The following MCM8 variants were observed in gnomAD, a reference collection of about 807,000 sequenced individuals.
The protein encoded by MCM8 is DNA helicase MCM8.
In MCM8, 85 loss-of-function variants were observed where a neutral mutation model predicts 98.9. That is an observed-to-expected ratio of 0.86 (90% confidence interval 0.72 to 1.03). MCM8 has a LOEUF of 1.03. Ranked by LOEUF, MCM8 falls within the 50% of genes least tolerant of loss-of-function variation. The pLI is 0.00. For synonymous variants in MCM8, 352 were observed against 338.6 expected (o/e 1.04, Z -0.44); for missense variants, 951 against 997.8 (o/e 0.95, Z 0.63).
At chr20:5,985,448 A>G (rs887958855) in intron 15 of MCM8, among the ~76,000 whole-genome samples, 18 of 151,750 alleles carry the variant, frequency 1.2e-4, no homozygotes, top group Non-Finnish European at 2.6e-4. Flanking sequence ...TCTCAAAAAA[A>G]AAAAAAAAAA....
At chr20:5,970,384 C>T (rs1322543446) in intron 10 of MCM8, among the ~76,000 whole-genome samples, 2 of 152,148 alleles carry the variant, frequency 1.3e-5, no homozygotes, top group African/African-American at 4.8e-5. Flanking sequence ...TGATGGCAGC[C>T]AGTGTAGGTG....
intron 6 of MCM8, 46 bp from the exon 7 acceptor site, chr20:5,958,482 T>TA: frequency 6.6e-7 from 1 of 1,505,780 alleles, no homozygotes; most frequent in Non-Finnish European, 9.1e-7. Context: ...TGTGAAAATA[T>TA]AAAAAACATC....
At position 5,984,953 on chromosome 20, in the gene MCM8, T is replaced by C. The variant is rs763747699; in HGVS notation, c.1906T>C (p.Ser636Pro). Residue 636 changes from serine (S) to proline (P), a missense_variant, in exon 15 of 19, where the codon TCC becomes CCC. Coordinates refer to ENST00000610722, the MANE Select transcript of MCM8 (RefSeq NM_032485.6). ...ARMNSQDSNT[S>P]VLEVVSEKPL... is the part of the protein sequence containing the mutation. ...TATGAATAGTCAAGATTCAAATACT[T>C]CCGTACTTGAAGTAGTTTCTGAGAA... 1 of 1,614,062 alleles carries C rather than the reference T, an allele frequency of 6.2e-7. No homozygotes were observed. The highest frequency in any genetic ancestry group is 8.5e-7 in the Non-Finnish European group (1 of 1,179,966).
At chr20:5,988,604 A>G (rs2089780985) in intron 17 of MCM8, among the ~76,000 whole-genome samples, 1 of 152,194 alleles carries the variant, frequency 6.6e-6, no homozygotes, top group Non-Finnish European at 1.5e-5. Flanking sequence ...CTTTGTAGAC[A>G]AATGGTAACT....
Position 5,994,297 on chromosome 20 carries a change from AGGTT to A in MCM8, c.2431_2434del (p.Val811LeufsTer10). The stretch of plus-strand genomic sequence containing the variant: ...GCTAAACCTTTTGATGTTTTCTTCC[AGGTT>A]GCTGATTTTGAAAATTTTATTGGAT... On this transcript the variant is annotated splice_acceptor_variant and coding_sequence_variant, in exon 19 of 19. Coordinates refer to ENST00000610722, the MANE Select transcript of MCM8 (RefSeq NM_032485.6). LOFTEE classifies it high-confidence loss of function. 6.3e-7 allele frequency: 1 copy of A among 1,586,462 alleles called. No individual in the cohort carries two copies. The highest frequency in any genetic ancestry group is 8.6e-7 in the Non-Finnish European group (1 of 1,166,602).
At position 5,954,690 on chromosome 20, in the gene MCM8, G is replaced by GGTAA; in HGVS notation, c.336+2_336+5dup. On this transcript the variant is annotated frameshift_variant and splice_region_variant. Transcript: ENST00000610722. LOFTEE classifies it high-confidence loss of function. ...CAAGGCATATTGATTTGTATGACAA[G>GGTAA]GTAAGATTCCTCTACAGCAAAGCTA... is the stretch of plus-strand genomic sequence containing the variant. 1 of 1,561,400 alleles carries GGTAA rather than the reference G, an allele frequency of 6.4e-7. No homozygotes were observed. The highest frequency in any genetic ancestry group is 1.4e-5 in the African/African-American group (1 of 73,822).
Position 5,994,478 on chromosome 20 carries a change from G to GACACACACACACACACACACACACACAC in MCM8, c.*105_*132dup, listed in dbSNP as rs11472210. 2 of 365,546 alleles carry GACACACACACACACACACACACACACAC rather than the reference G, an allele frequency of 5.5e-6. No homozygotes were observed. Among genetic ancestry groups the GACACACACACACACACACACACACACAC allele is most frequent in the African/African-American group, 4.7e-5 (2 of 42,596 alleles). 22.6% of individuals were successfully genotyped at this position (365,546 alleles called of 1,614,324 possible). Reference sequence around the variant, plus strand: ...ATATGCGTGCACGCACAGACAGACAGACACACACACACACACACACACACA... The same window carrying GACACACACACACACACACACACACACAC: ...ATATGCGTGCACGCACAGACAGACAGACACACACACACACACACACACACACACACACACACACACACACACACACACA... On this transcript the variant is annotated 3_prime_UTR_variant, in exon 19 of 19. Transcript: ENST00000610722.
rs1305616951 is a variant in MCM8 at position 5,997,105 on chromosome 20, TC to T, written c.*2716del. 2 of 152,322 alleles carry T rather than the reference TC, an allele frequency of 1.3e-5. No individual in the cohort carries two copies. Among genetic ancestry groups the T allele is most frequent in the African/African-American group, 4.8e-5 (2 of 41,508 alleles). The allele number at this position is 152,322 out of a possible 1,614,324, so 9.4% of individuals were successfully genotyped here. On this transcript the variant is annotated 3_prime_UTR_variant, in exon 19 of 19. Transcript: ENST00000610722. The stretch of plus-strand genomic sequence containing the variant: ...TGTCACCATTGCTGATTAAAACAAA[TC>T]CTAAGTACAAATGTCAGAACAGAAA...
intron 10 of MCM8, among the ~76,000 whole-genome samples, chr20:5,970,635 A>G (rs1216344762): frequency 6.6e-6 from 1 of 152,360 alleles, no homozygotes; most frequent in East Asian, 1.9e-4. Flanking sequence ...AAGCCGGAAC[A>G]TACTGAACAG....
At chr20:5,987,756 G>A (rs1482865345) in intron 17 of MCM8, among the ~76,000 whole-genome samples, 1 of 151,958 alleles carries the variant, frequency 6.6e-6, no homozygotes. Context: ...GTATTCTATT[G>A]TGTAGATATA....
intron 5 of MCM8, among the ~76,000 whole-genome samples, chr20:5,955,842 G>A (rs1335416240): frequency 2.0e-5 from 3 of 152,044 alleles, no homozygotes; most frequent in South Asian, 4.2e-4. Flanking sequence ...GCAGTGTCAT[G>A]ATCTCCGCTC....
chr20:5,982,705 CCT>C (rs557328963), intron 13 of MCM8, among the ~76,000 whole-genome samples: 100 of 151,916 alleles, frequency 6.6e-4, no homozygotes, highest in Non-Finnish European at 1.2e-3. Context: ...ACTCTTACCT[CCT>C]CTTCGTTTTT....
chr20:5,979,427 C>T (rs1315543514), intron 13 of MCM8, among the ~76,000 whole-genome samples: 1 of 152,176 alleles, frequency 6.6e-6, no homozygotes, highest in Non-Finnish European at 1.5e-5. Flanking sequence ...AAATATCAGG[C>T]ACATACTTCT....
intron 5 of MCM8, among the ~76,000 whole-genome samples, chr20:5,955,903 C>G (rs527836827): frequency 8.2e-4 from 125 of 152,134 alleles, no homozygotes; most frequent in Non-Finnish European, 1.8e-4. Context: ...CTCAGCCTCC[C>G]GAGTGGCTGG....
intron 13 of MCM8, among the ~76,000 whole-genome samples, chr20:5,981,115 A>G (rs2089620855): frequency 2.6e-5 from 4 of 152,226 alleles, no homozygotes; most frequent in Admixed American, 6.5e-5. Context: ...ACATTTGCAG[A>G]AAAGGCTTAC....
At chr20:5,967,352 C>T in intron 8 of MCM8, 84 bp from the exon 9 acceptor site, 4 of 1,207,156 alleles carry the variant, frequency 3.3e-6, no homozygotes, top group Non-Finnish European at 4.6e-6. Context: ...TCTTCCTCAG[C>T]ATCATGTGAA....
intron 12 of MCM8, among the ~76,000 whole-genome samples, chr20:5,975,259 TA>T (rs534162187): frequency 0.046 from 6,367 of 139,436 alleles, 129 homozygotes; most frequent in Middle Eastern, 0.12. Flanking sequence ...ACCCTGTCTT[TA>T]AAAAAAAAAA....
rs1369555863 is a variant in MCM8, at chr20:5,966,204, C to G, written c.876-1232C>G. Among the ~76,000 whole-genome samples the G allele has an allele frequency of 2.6e-5, 4 of 152,010 alleles. No homozygotes were observed. In the South Asian group the frequency reaches 6.2e-4, roughly 24 times the overall value. On this transcript the variant is annotated intron_variant, in intron 8 of 18. Coordinates refer to ENST00000610722, the MANE Select transcript of MCM8 (RefSeq NM_032485.6). ...TTCCTCCTCTTTGTAACCATTTTAT[C>G]TATCATGCTGTGAAACAGTGAAAGT... is the stretch of plus-strand genomic sequence containing the variant.
chr20:5,967,570 T>G lies in MCM8; in HGVS notation c.1010T>G (p.Val337Gly), dbSNP rs761632416. 1.2e-6 allele frequency: 2 copies of G among 1,612,266 alleles called. No individual in the cohort carries two copies. Among genetic ancestry groups the G allele is most frequent in the Non-Finnish European group, 1.7e-6 (2 of 1,178,690 alleles). ...DTVTITGIVK[V>G]SNAEEGSRNK... The stretch of plus-strand genomic sequence containing the variant: ...GTGACTATTACTGGAATTGTCAAAG[T>G]CTCAAATGCGGAAGAAGGTAGGGTA... Residue 337 changes from valine (V) to glycine (G), a missense_variant, in exon 9 of 19, where the codon GTC (valine) becomes GGC (glycine). Transcript: ENST00000610722.
Sources: gnomAD v4.1 joint callset for allele counts (sites outside exome capture counted in the v4.1 genomes callset) on GRCh38, gnomAD v4.1.1 for gene constraint, MANE v1.5 for transcripts, NCBI Gene and HGNC (gene_info 2026-07-23, HGNC 2026-07-21) for gene names.